Variants in CCDC149 observed in about 807,000 individuals in gnomAD.
CCDC149 encodes coiled-coil domain-containing protein 149.
In CCDC149, 45 loss-of-function variants were observed where a neutral mutation model predicts 59.9. The observed-to-expected ratio is 0.75, with a 90% CI of 0.59 to 0.96. The LOEUF (loss-of-function observed/expected upper bound fraction) is 0.96. CCDC149 is among the 40% of genes least tolerant of loss of function. The probability of loss-of-function intolerance (pLI) is 0.00; values close to 1 mark genes in which losing one functional copy is unlikely to be tolerated. For synonymous variants in CCDC149, 245 were observed against 260.6 expected (o/e 0.94, Z 0.58); for missense variants, 584 against 664.7 (o/e 0.88, Z 1.33).
At chr4:24,919,480 C>T (rs568106933) in intron 1 of CCDC149, among the ~76,000 whole-genome samples, 2 of 152,300 alleles carry the variant, frequency 1.3e-5, no homozygotes, top group South Asian at 2.1e-4. Context: ...GTATATTTTA[C>T]TGTTAAACAA....
Position 24,822,494 on chromosome 4 carries a change from T to C in CCDC149, c.1042+3A>G. 6.7e-7 allele frequency: 1 copy of C among 1,500,278 alleles called. No homozygotes were observed. Among genetic ancestry groups the C allele is most frequent in the Non-Finnish European group, 8.9e-7 (1 of 1,127,270 alleles). The allele number at this position is 1,500,278 out of a possible 1,614,324, so 92.9% of individuals were successfully genotyped here. ...AAAATTGTTTTCATGAGGTTCTGTT[T>C]ACCTGGAAGACTCCACAAACCAGAA... On this transcript the variant is annotated splice_donor_region_variant and intron_variant, in intron 10 of 12. Transcript: ENST00000635206.
chr4:24,839,182 C>CG (rs1553849828), intron 4 of CCDC149, among the ~76,000 whole-genome samples: 1 of 144,286 alleles, frequency 6.9e-6, no homozygotes, highest in African/African-American at 2.5e-5. Context: ...TACTTTCTAA[C>CG]TTTTTTTTTT....
At chr4:24,939,286 T>C (rs1198584977) in intron 1 of CCDC149, among the ~76,000 whole-genome samples, 2 of 152,148 alleles carry the variant, frequency 1.3e-5, no homozygotes, top group Non-Finnish European at 2.9e-5. Flanking sequence ...GCAAACAGGG[T>C]CTGGAGTGTA....
At chr4:24,815,865 G>A (rs1172327590) in intron 12 of CCDC149, among the ~76,000 whole-genome samples, 2 of 151,994 alleles carry the variant, frequency 1.3e-5, no homozygotes, top group African/African-American at 2.4e-5. Context: ...GTGCGTGTGG[G>A]GCCAACACTG....
intron 4 of CCDC149, among the ~76,000 whole-genome samples, chr4:24,841,392 T>C (rs921786069): frequency 1.3e-5 from 2 of 152,252 alleles, no homozygotes; most frequent in African/African-American, 4.8e-5. Flanking sequence ...CTGACAGCCA[T>C]ATAAGAGTCA....
chr4:24,942,370 T>A (rs1560264265), intron 1 of CCDC149, among the ~76,000 whole-genome samples: 1 of 152,138 alleles, frequency 6.6e-6, no homozygotes, highest in Non-Finnish European at 1.5e-5. Context: ...AAACTCTCAA[T>A]AAATTAGGTA....
intron 1 of CCDC149, among the ~76,000 whole-genome samples, chr4:24,899,587 G>A (rs531532252): frequency 5.9e-4 from 90 of 152,214 alleles, no homozygotes; most frequent in African/African-American, 2.1e-3. Context: ...AGCTGTGAAC[G>A]GGAGACCCAA....
chr4:24,825,010 G>A (rs1456780123), intron 9 of CCDC149, among the ~76,000 whole-genome samples: 2 of 152,188 alleles, frequency 1.3e-5, no homozygotes, highest in Non-Finnish European at 2.9e-5. Context: ...CTGGTATGAC[G>A]CAGCCCAGGG....
chr4:24,813,236 T>C (rs1441112390), intron 12 of CCDC149, among the ~76,000 whole-genome samples: 1 of 152,082 alleles, frequency 6.6e-6, no homozygotes, highest in Non-Finnish European at 1.5e-5. Context: ...AAGGCCCTCC[T>C]GAGTCACAGA....
At chr4:24,962,090 C>A (rs951490744) in intron 1 of CCDC149, among the ~76,000 whole-genome samples, 24 of 151,514 alleles carry the variant, frequency 1.6e-4, no homozygotes, top group African/African-American at 4.8e-4. Context: ...CCAGAATCTA[C>A]AATGAACTCA....
At chr4:24,944,921 T>C (rs1723063065) in intron 1 of CCDC149, among the ~76,000 whole-genome samples, 2 of 152,198 alleles carry the variant, frequency 1.3e-5, no homozygotes, top group South Asian at 2.1e-4. Flanking sequence ...GGTTCATTTC[T>C]GCTTCAGAGT....
chr4:24,817,285 C>G (rs577506897), intron 12 of CCDC149, among the ~76,000 whole-genome samples: 333 of 152,248 alleles, frequency 2.2e-3, no homozygotes, highest in African/African-American at 7.6e-3. Flanking sequence ...ATGCTCCAAA[C>G]CACACAGGGG....
chr4:24,898,692 C>A (rs1482596868), intron 1 of CCDC149, among the ~76,000 whole-genome samples: 1 of 152,176 alleles, frequency 6.6e-6, no homozygotes, highest in African/African-American at 2.4e-5. Context: ...TCCTCAGGAA[C>A]CGAGTTACCC....
At chr4:24,971,336 C>A (rs901242468) in intron 1 of CCDC149, among the ~76,000 whole-genome samples, 9 of 152,158 alleles carry the variant, frequency 5.9e-5, no homozygotes, top group Non-Finnish European at 1.2e-4. Context: ...GCCCGGGGGA[C>A]GCCCTCGGCC....
In CCDC149 at chr4:24,931,310, A is replaced by AATATATATATATATAT. The variant is rs71187200; in HGVS notation, c.-64-36208_-64-36193dup. Reference sequence around the variant, plus strand: ...ATTTATATATGTTTATTTATTTTAAAATATATATATATATATATATATCTC... The same window carrying AATATATATATATATAT: ...ATTTATATATGTTTATTTATTTTAAAATATATATATATATATATATATATATATATATATATATCTC... On this transcript the variant is annotated intron_variant, in intron 1 of 12. Coordinates refer to the CCDC149 transcript ENST00000389609. Among the ~76,000 whole-genome samples, 256 of 138,228 alleles carry AATATATATATATATAT rather than the reference A, an allele frequency of 1.9e-3. 1 individual carries two copies. Among genetic ancestry groups the AATATATATATATATAT allele is most frequent in the Non-Finnish European group, 2.4e-3 (155 of 65,280 alleles). 90.7% of individuals were successfully genotyped at this position (138,228 alleles called of 152,430 possible). A position where few individuals can be genotyped will look rare whatever the true frequency, so the allele number is the denominator to read the frequency against.
Position 24,919,016 on chromosome 4 carries a change from C to T in CCDC149, c.-64-23898G>A, listed in dbSNP as rs553813339. Among the ~76,000 whole-genome samples the T allele has an allele frequency of 5.3e-5, 8 of 152,282 alleles. No individual in the cohort carries two copies. The East Asian group carries it at 9.6e-4, about 18-fold the overall frequency. On this transcript the variant is annotated intron_variant, in intron 1 of 12. Coordinates refer to the CCDC149 transcript ENST00000389609. ...AGGGTGTTTGCCAACATATCATGTCCCCTGCTATTGCACCAAGCAGCTTAC... is the reference window on the plus strand; with the variant it reads ...AGGGTGTTTGCCAACATATCATGTCTCCTGCTATTGCACCAAGCAGCTTAC...
In CCDC149 at chr4:24,905,410, C is replaced by CGTGTGT. The variant is rs1304853540; in HGVS notation, c.63+7406_63+7407insACACAC. 1.9e-3 allele frequency among the ~76,000 whole-genome samples: 179 copies of CGTGTGT among 93,802 alleles called. 1 individual carries two copies. Among genetic ancestry groups the CGTGTGT allele is most frequent in the Admixed American group, 6.5e-3 (60 of 9,216 alleles). The allele number at this position is 93,802 out of a possible 152,430, so 61.5% of individuals were successfully genotyped here. A position where few individuals can be genotyped will look rare whatever the true frequency, so the allele number is the denominator to read the frequency against. ...ATATAGTCTTCTTTCTTTTTGCGTG[C>CGTGTGT]GTGCGTGTGTGTGTGTGTGTGTGTG... On this transcript the variant is annotated intron_variant, in intron 1 of 12. Transcript: ENST00000635206.
rs369951784 is a variant in CCDC149, at chr4:24,895,037, G to A, written c.63+17780C>T. ...CTCTGGCGATGATGATGATGATGAC[G>A]ACGACGATGACGACCATGATGGTGA... On this transcript the variant is annotated intron_variant, in intron 1 of 12. Transcript: ENST00000635206. 2.8e-5 allele frequency: 43 copies of A among 1,532,776 alleles called. No individual in the cohort carries two copies. The East Asian group carries it at 7.3e-4, about 26-fold the overall frequency. 94.9% of individuals were successfully genotyped at this position (1,532,776 alleles called of 1,614,324 possible).
downstream of CCDC149, among the ~76,000 whole-genome samples, chr4:24,804,962 T>C (rs1481215027): frequency 6.6e-6 from 1 of 151,870 alleles, no homozygotes; most frequent in Non-Finnish European, 1.5e-5. Context: ...GCTTTGGGAA[T>C]AGCTGTGGGA....
Sources: gnomAD v4.1 joint callset for allele counts (sites outside exome capture counted in the v4.1 genomes callset) on GRCh38, gnomAD v4.1.1 for gene constraint, MANE v1.5 for transcripts, NCBI Gene and HGNC (gene_info 2026-07-23, HGNC 2026-07-21) for gene names.